The following DISP1 variants were observed in gnomAD, a reference collection of about 807,000 sequenced individuals.
The protein encoded by DISP1 is dispatched RND transporter family member 1, also known as protein dispatched homolog 1.
A neutral mutation model predicts 37.3 loss-of-function variants in DISP1; 30 were observed. That is an observed-to-expected ratio of 0.80 (90% CI 0.60 to 1.09). The LOEUF (loss-of-function observed/expected upper bound fraction) is 1.09, where lower values mean the gene tolerates loss of function less well. Ranked by LOEUF, DISP1 falls within the 50% of genes least tolerant of loss-of-function variation. The probability of loss-of-function intolerance (pLI) is 0.00; values close to 1 mark genes in which losing one functional copy is unlikely to be tolerated. For missense variants in DISP1, 1,598 were observed against 1,879.5 expected, an observed-to-expected ratio of 0.85 and a Z score of 2.77; for synonymous variants, 634 against 690.2, an observed-to-expected ratio of 0.92 and a Z score of 1.28.
intron 1 of DISP1, among the ~76,000 whole-genome samples, chr1:222,846,455 C>T (rs1667906151): frequency 6.6e-6 from 1 of 151,974 alleles, no homozygotes; most frequent in Admixed American, 6.5e-5. Context: ...TGTGCCATTG[C>T]ACTCCAGCCT....
intron 1 of DISP1, among the ~76,000 whole-genome samples, chr1:222,909,503 A>G (rs769722968): frequency 3.4e-4 from 52 of 152,196 alleles, no homozygotes; most frequent in Admixed American, 1.8e-3. Context: ...ACTTGAACTT[A>G]TCATGTAAAA....
intron 1 of DISP1, among the ~76,000 whole-genome samples, chr1:222,819,500 AAT>A (rs1012458189): frequency 1.3e-5 from 2 of 149,744 alleles, no homozygotes; most frequent in Non-Finnish European, 1.5e-5. Context: ...TTGTGGTTTT[AAT>A]ATGTTATATA....
In DISP1 at chr1:223,002,458, T is replaced by G; in HGVS notation, c.1061T>G (p.Leu354Arg). The G allele has an allele frequency of 6.2e-7, 1 of 1,614,156 alleles. No homozygotes were observed. The highest frequency in any genetic ancestry group is 8.5e-7 in the Non-Finnish European group (1 of 1,180,030). ...TAASCCPSWT[L>R]GNYIAILNNR... ...GCCTCCTGCTGCCCCAGCTGGACAC[T>G]GGGAAACTACATCGCCATTCTGAAC... is the stretch of plus-strand genomic sequence containing the variant. Residue 354 changes from leucine to arginine, a missense_variant, in exon 9 of 9, where the codon CTG (leucine) becomes CGG (arginine). Coordinates refer to ENST00000675850, the MANE Select transcript of DISP1 (RefSeq NM_001377229.1).
chr1:222,984,435 T>TATATATATATAGAGAGAGAGAG (rs67660273), intron 4 of DISP1, among the ~76,000 whole-genome samples: 1 of 108,398 alleles, frequency 9.2e-6, no homozygotes, highest in East Asian at 2.6e-4. Flanking sequence ...TATATATATA[T>TATATATATATAGAGAGAGAGAG]AGAGAGAGAG....
intron 3 of DISP1, among the ~76,000 whole-genome samples, chr1:222,965,064 C>T (rs1442774787): frequency 2.0e-5 from 3 of 151,982 alleles, no homozygotes; most frequent in Non-Finnish European, 4.4e-5. Flanking sequence ...AGTTTACTCT[C>T]TTAACACCCA....
chr1:222,875,464 T>C (rs186938592), intron 1 of DISP1, among the ~76,000 whole-genome samples: 18 of 151,962 alleles, frequency 1.2e-4, no homozygotes, highest in Admixed American at 8.5e-4. Context: ...CCCTTTTATA[T>C]GTAGGGAACC....
At position 223,001,274 on chromosome 1, in the gene DISP1, A is replaced by G. The variant is rs576277345; in HGVS notation, c.988-1111A>G. Among the ~76,000 whole-genome samples, 7 of 152,356 alleles carry G rather than the reference A, an allele frequency of 4.6e-5. No individual in the cohort carries two copies. The South Asian group carries it at 1.4e-3, about 32-fold the overall frequency. On this transcript the variant is annotated intron_variant, in intron 8 of 8. Coordinates refer to ENST00000675850, the MANE Select transcript of DISP1 (RefSeq NM_001377229.1). ...GCAGCAGGTCCTCATTTACCAAAAG[A>G]GAAAGTTTTCAAAAAAAGGATTTTT... is the stretch of plus-strand genomic sequence containing the variant.
At chr1:222,975,631 C>T (rs1677259285) in intron 3 of DISP1, among the ~76,000 whole-genome samples, 1 of 152,040 alleles carries the variant, frequency 6.6e-6, no homozygotes, top group South Asian at 2.1e-4. Context: ...CGCTTGGTAC[C>T]TCCCACTCTC....
chr1:222,988,692 C>T (rs1441218653), intron 4 of DISP1, among the ~76,000 whole-genome samples: 2 of 131,330 alleles, frequency 1.5e-5, no homozygotes, highest in Admixed American at 9.0e-5. Context: ...GAGTGTTGCT[C>T]ACCCAGGCTG....
intron 3 of DISP1, among the ~76,000 whole-genome samples, chr1:222,955,976 T>C (rs1399388526): frequency 1.3e-5 from 2 of 152,240 alleles, no homozygotes. Context: ...GTTGTAATAG[T>C]TACCAAATAC....
At chr1:222,944,095 G>A (rs943299450) in intron 3 of DISP1, among the ~76,000 whole-genome samples, 3 of 152,140 alleles carry the variant, frequency 2.0e-5, no homozygotes, top group African/African-American at 7.2e-5. Flanking sequence ...CCTTATGGCT[G>A]TACTCAACAT....
At chr1:222,874,608 A>C (rs1374012713) in intron 1 of DISP1, among the ~76,000 whole-genome samples, 2 of 152,080 alleles carry the variant, frequency 1.3e-5, no homozygotes, top group Non-Finnish European at 2.9e-5. Flanking sequence ...TTTCAGCTCC[A>C]TCAGGTCCTT....
At chr1:222,866,415 G>A (rs1038901359) in intron 1 of DISP1, among the ~76,000 whole-genome samples, 3 of 152,022 alleles carry the variant, frequency 2.0e-5, no homozygotes, top group Admixed American at 6.6e-5. Context: ...TACAATCTCG[G>A]CTCACTGCAA....
intron 1 of DISP1, among the ~76,000 whole-genome samples, chr1:222,887,498 T>TCAAAATG (rs1436850461): frequency 4.2e-4 from 52 of 123,740 alleles, no homozygotes; most frequent in South Asian, 5.7e-4. Flanking sequence ...TTTTTTTTTT[T>TCAAAATG]TTTTTTTTTT....
intron 3 of DISP1, among the ~76,000 whole-genome samples, chr1:222,975,152 A>T (rs1487400631): frequency 6.6e-6 from 1 of 152,082 alleles, no homozygotes; most frequent in East Asian, 1.9e-4. Context: ...CAGCCTCCTG[A>T]GTAGCTGGGA....
Position 223,003,849 on chromosome 1 carries a change from A to T in DISP1, c.2452A>T (p.Ile818Phe), listed in dbSNP as rs759403717. Residue 818 changes from isoleucine to phenylalanine, a missense_variant, in exon 9 of 9, where the codon ATC (isoleucine) becomes TTC (phenylalanine). Coordinates refer to ENST00000675850, the MANE Select transcript of DISP1 (RefSeq NM_001377229.1). This position sits in a 1 kb window ranked among gnomAD's most constrained non-coding sequence, Gnocchi z 4.3. ...GKLTLDSSFN[I>F]ASPASQAWIL... ...GTTGACATTAGATAGCAGTTTTAAC[A>T]TCGCCAGCCCAGCTTCCCAGGCCTG... 2 of 1,614,218 alleles carry T rather than the reference A, an allele frequency of 1.2e-6. No individual in the cohort carries two copies. Among genetic ancestry groups the T allele is most frequent in the East Asian group, 2.2e-5 (1 of 44,880 alleles).
chr1:222,958,033 A>C (rs77586732), intron 3 of DISP1, among the ~76,000 whole-genome samples: 6,777 of 152,310 alleles, frequency 0.044, 512 homozygotes, highest in African/African-American at 0.16. Context: ...TGCCTTCTTC[A>C]GTTTTTAATT....
intron 1 of DISP1, among the ~76,000 whole-genome samples, chr1:222,833,261 A>G (rs1388932376): frequency 4.6e-5 from 7 of 151,268 alleles, no homozygotes; most frequent in African/African-American, 1.7e-4. Context: ...GAGATAAGTC[A>G]CAAATATAAC....
intron 3 of DISP1, among the ~76,000 whole-genome samples, chr1:222,962,083 A>G (rs1038859301): frequency 2.6e-5 from 4 of 152,212 alleles, no homozygotes; most frequent in Admixed American, 6.5e-5. Context: ...AACTTCAGCA[A>G]AGTCTCAGCA....
Sources: gnomAD v4.1 joint callset for allele counts (sites outside exome capture counted in the v4.1 genomes callset) on GRCh38, gnomAD v4.1.1 for gene constraint, Gnocchi (gnomAD v3.1) non-coding constraint, MANE v1.5 for transcripts, NCBI Gene and HGNC (gene_info 2026-07-23, HGNC 2026-07-21) for gene names.